PPM1L: variants seen among roughly 807,000 people sequenced by gnomAD.
PPM1L encodes the protein protein phosphatase, Mg2+/Mn2+ dependent 1L, also known as protein phosphatase 1L.
Under a neutral mutation model 31.4 loss-of-function variants are expected in PPM1L, and 13 were observed. The ratio of observed to expected loss-of-function variants is 0.41; its 90% CI spans 0.27 to 0.66. PPM1L has a LOEUF of 0.66. PPM1L is among the 30% of genes least tolerant of loss of function. The pLI is 0.29. For missense variants in PPM1L, 326 were observed against 453.7 expected, an observed-to-expected ratio of 0.72 and a Z score of 2.56; for synonymous variants, 184 against 175.4, an observed-to-expected ratio of 1.05 and a Z score of -0.39.
chr3:160,951,029 T>TAGAGA (rs1715561294), intron 1 of PPM1L, among the ~76,000 whole-genome samples: 1 of 152,242 alleles, frequency 6.6e-6, no homozygotes, highest in South Asian at 2.1e-4. Context: ...AATATTACTT[T>TAGAGA]TCATTTTTCT....
intron 1 of PPM1L, among the ~76,000 whole-genome samples, chr3:160,856,340 G>A (rs1038455484): frequency 6.6e-5 from 10 of 152,096 alleles, no homozygotes; most frequent in African/African-American, 2.4e-4. Context: ...TAAACCGTTC[G>A]AAGATACATG....
Position 160,756,813 on chromosome 3 carries a change from C to A in PPM1L, c.399+106C>A. On this transcript the variant is annotated intron_variant, in intron 1 of 3. Coordinates refer to ENST00000498165, the MANE Select transcript of PPM1L (RefSeq NM_139245.4). This position sits in a 1 kb window ranked among gnomAD's most constrained non-coding sequence, Gnocchi z 6.2. ...TGTATAAACAACAGGACAGCGTGTGCGCAGCGGGAGAGGATCTGGGTGCGA... is the reference window on the plus strand; with the variant it reads ...TGTATAAACAACAGGACAGCGTGTGAGCAGCGGGAGAGGATCTGGGTGCGA... 1 of 1,224,878 alleles carries A rather than the reference C, an allele frequency of 8.2e-7. No homozygotes were observed. Among genetic ancestry groups the A allele is most frequent in the Non-Finnish European group, 1.1e-6 (1 of 896,974 alleles). 75.9% of individuals were successfully genotyped at this position (1,224,878 alleles called of 1,614,324 possible).
At chr3:161,061,651 T>C (rs1380276514) in intron 2 of PPM1L, among the ~76,000 whole-genome samples, 1 of 152,152 alleles carries the variant, frequency 6.6e-6, no homozygotes, top group Non-Finnish European at 1.5e-5. Flanking sequence ...TTATAAGTAA[T>C]CTAGAGATGA....
At chr3:160,947,899 A>G (rs1410690072) in intron 1 of PPM1L, among the ~76,000 whole-genome samples, 2 of 152,182 alleles carry the variant, frequency 1.3e-5, no homozygotes, top group African/African-American at 2.4e-5. Flanking sequence ...TATTTCCATA[A>G]TTGGCCCAAA....
intron 2 of PPM1L, among the ~76,000 whole-genome samples, chr3:161,050,381 AT>A (rs1419731913): frequency 6.6e-6 from 1 of 152,216 alleles, no homozygotes; most frequent in African/African-American, 2.4e-5. Context: ...AAAGCTCTGA[AT>A]TTGGTAAAAG....
At chr3:161,010,199 G>A (rs563750861) in intron 2 of PPM1L, among the ~76,000 whole-genome samples, 19 of 151,162 alleles carry the variant, frequency 1.3e-4, no homozygotes, top group Non-Finnish European at 1.8e-4. Flanking sequence ...TCCCCTTCCC[G>A]TGTCCAAGTG....
At position 160,961,901 on chromosome 3, in the gene PPM1L, G is replaced by C; in HGVS notation, c.565G>C (p.Asp189His). The C allele has an allele frequency of 6.4e-7, 1 of 1,570,972 alleles. No homozygotes were observed. Residue 189 changes from aspartate (D) to histidine (H), a missense_variant, in exon 2 of 4, where the codon GAT becomes CAT. By Grantham distance (81) the Asp-to-His change is moderately conservative. Coordinates refer to ENST00000498165, the MANE Select transcript of PPM1L (RefSeq NM_139245.4). ...GCTAGAAAAATTGACTGTATCCTAT[G>C]ATGAAGCAGGTATGTTTGTTTTTAA... ...EMLEKLTVSYDEAGTTCLIAL... is the reference protein window; with the variant it reads ...EMLEKLTVSYHEAGTTCLIAL...
chr3:160,871,053 G>C lies in PPM1L; in HGVS notation c.400-90683G>C, dbSNP rs183351939. Reference sequence around the variant, plus strand: ...TAAATAGATAACTTCAAAGTAATTGGCTTGAAATCCAAGGATCTATTCTGG... The same window carrying C: ...TAAATAGATAACTTCAAAGTAATTGCCTTGAAATCCAAGGATCTATTCTGG... On this transcript the variant is annotated intron_variant, in intron 1 of 3. Coordinates refer to ENST00000498165, the MANE Select transcript of PPM1L (RefSeq NM_139245.4). Among the ~76,000 whole-genome samples, 202 of 152,232 alleles carry C rather than the reference G, an allele frequency of 1.3e-3. 5 individuals carry two copies. Among genetic ancestry groups the C allele is most frequent in the Admixed American group, 0.013 (199 of 15,282 alleles).
intron 2 of PPM1L, among the ~76,000 whole-genome samples, chr3:161,062,147 A>G (rs557262425): frequency 2.3e-3 from 342 of 146,376 alleles, no homozygotes; most frequent in African/African-American, 8.5e-3. Flanking sequence ...TGGGGGGGGA[A>G]AAAAAAAAGC....
At chr3:161,011,939 A>G (rs532657769) in intron 2 of PPM1L, among the ~76,000 whole-genome samples, 1 of 152,080 alleles carries the variant, frequency 6.6e-6, no homozygotes, top group African/African-American at 2.4e-5. Flanking sequence ...GGGTTTTCTA[A>G]ATATACAATC....
intron 2 of PPM1L, among the ~76,000 whole-genome samples, chr3:161,056,643 G>T (rs530989191): frequency 6.6e-6 from 1 of 151,868 alleles, no homozygotes; most frequent in African/African-American, 2.4e-5. Flanking sequence ...AGTATAAGGG[G>T]TAAATTATAC....
intron 2 of PPM1L, among the ~76,000 whole-genome samples, chr3:161,015,725 G>C (rs1308535700): frequency 1.3e-5 from 2 of 152,202 alleles, no homozygotes; most frequent in Non-Finnish European, 2.9e-5. Flanking sequence ...TACTAAGCTA[G>C]CTGTTGTTTG....
intron 1 of PPM1L, among the ~76,000 whole-genome samples, chr3:160,848,373 G>A (rs112681456): frequency 0.012 from 1,819 of 152,176 alleles, 12 homozygotes; most frequent in Admixed American, 0.019. Context: ...AAATCTAGTG[G>A]ACTTTTTTTT....
At chr3:160,914,656 A>AT (rs1714094929) in intron 1 of PPM1L, among the ~76,000 whole-genome samples, 1 of 152,078 alleles carries the variant, frequency 6.6e-6, no homozygotes, top group East Asian at 1.9e-4. Flanking sequence ...TCCATGGTGT[A>AT]TATGTGCCAC....
chr3:160,994,015 G>A (rs189636269), intron 2 of PPM1L, among the ~76,000 whole-genome samples: 352 of 150,858 alleles, frequency 2.3e-3, no homozygotes, highest in African/African-American at 8.4e-3. Flanking sequence ...AATTTATCCT[G>A]ATGCCTTTTC....
At chr3:161,027,505 G>T (rs1359960198) in intron 2 of PPM1L, among the ~76,000 whole-genome samples, 1 of 152,180 alleles carries the variant, frequency 6.6e-6, no homozygotes, top group African/African-American at 2.4e-5. Context: ...ATGGCAGCAG[G>T]CAGAAAGAGA....
chr3:161,065,111 T>C (rs924108708), intron 2 of PPM1L, among the ~76,000 whole-genome samples: 1 of 152,162 alleles, frequency 6.6e-6, no homozygotes, highest in Non-Finnish European at 1.5e-5. Flanking sequence ...GTTTCTCTCC[T>C]AATCCTTTTA....
Position 160,756,671 on chromosome 3 carries a change from G to T in PPM1L, c.363G>T (p.Pro121=), listed in dbSNP as rs775555696. Residue 121 remains proline, a synonymous_variant, in exon 1 of 4, where the codon CCG becomes CCT. Transcript: ENST00000498165. The surrounding 1 kb of genome is among the most constrained non-coding windows in gnomAD (Gnocchi z 6.2). Reference sequence around the variant, plus strand: ...CGGATCTGGCCAACAAGACGCACCCGTCCATCTTCGGGATCTTCGACGGGC... The same window carrying T: ...CGGATCTGGCCAACAAGACGCACCCTTCCATCTTCGGGATCTTCGACGGGC... ...VLTDLANKTH[P]SIFGIFDGHG... is the part of the protein sequence containing the mutation. 5.0e-6 allele frequency: 8 copies of T among 1,613,962 alleles called. No homozygotes were observed. Among genetic ancestry groups the T allele is most frequent in the Non-Finnish European group, 6.8e-6 (8 of 1,180,010 alleles).
At chr3:160,881,784 G>A (rs1337789080) in intron 1 of PPM1L, among the ~76,000 whole-genome samples, 2 of 152,180 alleles carry the variant, frequency 1.3e-5, no homozygotes, top group African/African-American at 2.4e-5. Context: ...GGGCGCGGTG[G>A]CTCACGCCTG....
Sources: gnomAD v4.1 joint callset for allele counts (sites outside exome capture counted in the v4.1 genomes callset) on GRCh38, gnomAD v4.1.1 for gene constraint, Gnocchi (gnomAD v3.1) non-coding constraint, MANE v1.5 for transcripts, NCBI Gene and HGNC (gene_info 2026-07-23, HGNC 2026-07-21) for gene names.